Variants in AFAP1 observed in about 807,000 individuals in gnomAD.
AFAP1 encodes the protein actin filament-associated protein 1.
AFAP1 carries 75 observed loss-of-function variants against 93.9 expected under a neutral mutation model. The observed-to-expected ratio is 0.80, with a 90% CI of 0.66 to 0.97. AFAP1 has a LOEUF of 0.97. Ranked by LOEUF, AFAP1 falls within the 50% of genes least tolerant of loss-of-function variation. AFAP1 has a pLI of 0.00. For synonymous variants in AFAP1, 517 were observed against 430.7 expected (o/e 1.20, Z -2.48); for missense variants, 1,201 against 1,050.8 (o/e 1.14, Z -1.98).
chr4:7,932,781 G>A (rs1370931702), intron 1 of AFAP1, among the ~76,000 whole-genome samples: 3 of 152,096 alleles, frequency 2.0e-5, no homozygotes, highest in Non-Finnish European at 4.4e-5. Flanking sequence ...CAGCATTTTG[G>A]AAGGCCAAGG....
intron 14 of AFAP1, chr4:7,775,134 G>A (rs569727952): frequency 1.3e-5 from 6 of 467,128 alleles, no homozygotes; most frequent in East Asian, 3.7e-5. Context: ...GTGAGACCCC[G>A]TGTCAAAAAA....
At position 7,889,483 on chromosome 4, in the gene AFAP1, G is replaced by A. The variant is rs1419146222; in HGVS notation, c.-2-17403C>T. On this transcript the variant is annotated intron_variant, in intron 1 of 17. Transcript: ENST00000420658. ...CAGGAGAATCATTTGAACCCAGGAGGTGGAGGTTGCAGTGAGCCAAGATCG... is the reference window on the plus strand; with the variant it reads ...CAGGAGAATCATTTGAACCCAGGAGATGGAGGTTGCAGTGAGCCAAGATCG... 2.0e-5 allele frequency among the ~76,000 whole-genome samples: 3 copies of A among 149,444 alleles called. No homozygotes were observed. In the East Asian group the frequency reaches 6.0e-4, roughly 30 times the overall value.
chr4:7,819,310 C>T lies in AFAP1; in HGVS notation c.727-139G>A, dbSNP rs145070425. The stretch of plus-strand genomic sequence containing the variant: ...CAAAGCACCTGGCTCTGAGTTCCAG[C>T]GTGCCAGGTACTCATTTGTTCACTC... On this transcript the variant is annotated intron_variant, in intron 6 of 17. Coordinates refer to ENST00000420658, the MANE Select transcript of AFAP1 (RefSeq NM_001134647.2). 2.9e-4 allele frequency: 189 copies of T among 655,210 alleles called. No individual in the cohort carries two copies. In the African/African-American group the frequency reaches 3.1e-3, roughly 11 times the overall value. 40.6% of individuals were successfully genotyped at this position (655,210 alleles called of 1,614,324 possible). A position where few individuals can be genotyped will look rare whatever the true frequency, so the allele number is the denominator to read the frequency against.
At chr4:7,788,463 C>CG (rs1338524829) in intron 11 of AFAP1, 2 of 152,250 alleles carry the variant, frequency 1.3e-5, no homozygotes, top group African/African-American at 4.8e-5. Context: ...ACGCCATGCA[C>CG]GGCTTGCTGC....
chr4:7,810,179 C>T (rs753825734), intron 8 of AFAP1, among the ~76,000 whole-genome samples: 1 of 152,196 alleles, frequency 6.6e-6, no homozygotes, highest in Non-Finnish European at 1.5e-5. Context: ...TCAACTTTTA[C>T]TTAATGAGCA....
At position 7,762,175 on chromosome 4, in the gene AFAP1, A is replaced by G. The variant is rs1713901813; in HGVS notation, c.*1590T>C. On this transcript the variant is annotated 3_prime_UTR_variant, in exon 18 of 18. Transcript: ENST00000420658. ...GCCCTTGCAGGCCTCAAGCGCCACCACCTTAAACATGAATCCTAACTGTAA... is the reference window on the plus strand; with the variant it reads ...GCCCTTGCAGGCCTCAAGCGCCACCGCCTTAAACATGAATCCTAACTGTAA... 6.6e-6 allele frequency: 1 copy of G among 152,250 alleles called. No homozygotes were observed. Among genetic ancestry groups the G allele is most frequent in the Non-Finnish European group, 1.5e-5 (1 of 68,048 alleles). 9.4% of individuals were successfully genotyped at this position (152,250 alleles called of 1,614,324 possible). A position where few individuals can be genotyped will look rare whatever the true frequency, so the allele number is the denominator to read the frequency against.
intron 17 of AFAP1, among the ~76,000 whole-genome samples, chr4:7,766,630 C>T (rs556771977): frequency 6.8e-6 from 1 of 147,798 alleles, no homozygotes; most frequent in African/African-American, 2.4e-5. Flanking sequence ...GACTGTGTCA[C>T]GAGAGGGTAA....
chr4:7,924,095 T>A (rs1467708300), intron 1 of AFAP1, among the ~76,000 whole-genome samples: 1 of 152,228 alleles, frequency 6.6e-6, no homozygotes, highest in African/African-American at 2.4e-5. Context: ...AAGTTAGTGA[T>A]GCTGCATTTT....
At chr4:7,843,028 C>T in intron 5 of AFAP1, 111 bp downstream of exon 5, 1 of 1,267,188 alleles carries the variant, frequency 7.9e-7, no homozygotes. Flanking sequence ...TGGCTGACAC[C>T]TGAGTGCTGC....
At chr4:7,926,731 T>C (rs1047126872) in intron 1 of AFAP1, among the ~76,000 whole-genome samples, 1 of 152,060 alleles carries the variant, frequency 6.6e-6, no homozygotes, top group African/African-American at 2.4e-5. Flanking sequence ...CCATTCCCCT[T>C]CCCCTTCTTT....
At position 7,774,846 on chromosome 4, in the gene AFAP1, T is replaced by A; in HGVS notation, c.1955A>T (p.Gln652Leu). 6.2e-7 allele frequency: 1 copy of A among 1,614,248 alleles called. No homozygotes were observed. The highest frequency in any genetic ancestry group is 8.5e-7 in the Non-Finnish European group (1 of 1,180,042). The change falls in exon 15 of 18, where the codon CAG becomes CTG. Residue 652 changes from glutamine (Q) to leucine (L), a missense_variant. Physicochemically the swap from Gln to Leu is moderately radical, Grantham distance 113. Transcript: ENST00000420658. Reference sequence around the variant, plus strand: ...CTTCAGCAGCTCCTCCTCTTTGGTCTGTAGCCGCTTGGCATCTGCTTCTAC... The same window carrying A: ...CTTCAGCAGCTCCTCCTCTTTGGTCAGTAGCCGCTTGGCATCTGCTTCTAC... Reference protein sequence around the residue: ...NRVEADAKRLQTKEEELLKRK... With the variant: ...NRVEADAKRLLTKEEELLKRK...
Position 7,798,514 on chromosome 4 carries a change from G to C in AFAP1, c.1266+1928C>G, listed in dbSNP as rs141944256. On this transcript the variant is annotated intron_variant, in intron 10 of 17. Coordinates refer to ENST00000420658, the MANE Select transcript of AFAP1 (RefSeq NM_001134647.2). ...GGCATTTCACCACTGATGAGGTCAG[G>C]CTTCTTGCTTACATTGGAAGGCTGT... Among the ~76,000 whole-genome samples the C allele has an allele frequency of 3.5e-4, 54 of 152,304 alleles. No individual in the cohort carries two copies. The East Asian group carries it at 8.7e-3, about 25-fold the overall frequency.
At chr4:7,894,553 T>A (rs1165167523) in intron 1 of AFAP1, among the ~76,000 whole-genome samples, 1 of 152,092 alleles carries the variant, frequency 6.6e-6, no homozygotes, top group Non-Finnish European at 1.5e-5. Flanking sequence ...CCAGCCCGCT[T>A]TGTGAAGGGT....
rs16841422 is a variant in AFAP1 at position 7,920,369 on chromosome 4, T to G, written c.-3+19287A>C. On this transcript the variant is annotated intron_variant, in intron 1 of 17. Transcript: ENST00000420658. ...AACCCATATACTCTATCTGGAAAGT[T>G]TAACAATATCCAAATTATTGTGCGC... 5.3e-3 allele frequency among the ~76,000 whole-genome samples: 811 copies of G among 152,306 alleles called. 9 individuals carry two copies. The highest frequency in any genetic ancestry group is 0.018 in the African/African-American group (766 of 41,554).
At chr4:7,788,579 TGAA>T (rs1717534592) in intron 11 of AFAP1, 1 of 152,136 alleles carries the variant, frequency 6.6e-6, no homozygotes, top group African/African-American at 2.4e-5. Context: ...GAAAATAAAA[TGAA>T]GAAGAAAACA....
chr4:7,790,736 T>C (rs1717790901), intron 11 of AFAP1, among the ~76,000 whole-genome samples: 1 of 151,972 alleles, frequency 6.6e-6, no homozygotes, highest in Non-Finnish European at 1.5e-5. Flanking sequence ...TACCTATATT[T>C]TGCTGATTAG....
intron 3 of AFAP1, among the ~76,000 whole-genome samples, chr4:7,860,195 T>C (rs1715516623): frequency 1.3e-5 from 2 of 152,196 alleles, no homozygotes; most frequent in Admixed American, 1.3e-4. Context: ...ATAATTATTA[T>C]TGTTATTACT....
rs1384138156 is a variant in AFAP1, at chr4:7,774,783, C to A, written c.2018G>T (p.Arg673Leu). The A allele has an allele frequency of 2.5e-6, 4 of 1,614,090 alleles. No individual in the cohort carries two copies. The highest frequency in any genetic ancestry group is 3.4e-6 in the Non-Finnish European group (4 of 1,180,048). The change falls in exon 15 of 18, where the codon CGC becomes CTC. Residue 673 changes from arginine to leucine, a missense_variant. Coordinates refer to ENST00000420658, the MANE Select transcript of AFAP1 (RefSeq NM_001134647.2). ...EALRNRLAQL[R>L]KERKDLRAAI... ...CGCTCGAAGGTCTTTTCTTTCCTTG[C>A]GGAGCTGGGCCAGCCTATTCCGCAG...
intron 17 of AFAP1, among the ~76,000 whole-genome samples, chr4:7,767,527 G>C (rs1192090444): frequency 6.6e-6 from 1 of 152,202 alleles, no homozygotes; most frequent in African/African-American, 2.4e-5. Flanking sequence ...GTCACCAGCT[G>C]AGAACACTTG....
Sources: gnomAD v4.1 joint callset for allele counts (sites outside exome capture counted in the v4.1 genomes callset) on GRCh38, gnomAD v4.1.1 for gene constraint, MANE v1.5 for transcripts, NCBI Gene and HGNC (gene_info 2026-07-23, HGNC 2026-07-21) for gene names.